NAALADL2: variants seen among roughly 807,000 people sequenced by gnomAD.
NAALADL2 encodes the protein N-acetylated alpha-linked acidic dipeptidase like 2, also known as inactive N-acetylated-alpha-linked acidic dipeptidase-like protein 2.
Under a neutral mutation model 87.2 loss-of-function variants are expected in NAALADL2, and 76 were observed. The observed-to-expected ratio is 0.87, with a 90% CI of 0.72 to 1.05. The LOEUF (loss-of-function observed/expected upper bound fraction) is 1.05. Ranked by LOEUF, NAALADL2 falls within the 50% of genes least tolerant of loss-of-function variation. NAALADL2 has a pLI of 0.00. For synonymous variants in NAALADL2, 354 were observed against 331.0 expected (o/e 1.07, Z -0.75); for missense variants, 1,089 against 945.8 (o/e 1.15, Z -1.99).
At chr3:175,495,093 T>TATATA (rs1491546516) in intron 9 of NAALADL2, among the ~76,000 whole-genome samples, 1 of 116,678 alleles carries the variant, frequency 8.6e-6, no homozygotes, top group East Asian at 3.4e-4. Context: ...TATATATATA[T>TATATA]TTTTTTTTAA....
chr3:174,847,508 T>C (rs543829744), intron 3 of NAALADL2, among the ~76,000 whole-genome samples: 1 of 152,324 alleles, frequency 6.6e-6, no homozygotes, highest in African/African-American at 2.4e-5. Flanking sequence ...TTATGTGCCA[T>C]TAGTTCCCAA....
intron 3 of NAALADL2, among the ~76,000 whole-genome samples, chr3:174,846,295 G>A (rs1428879541): frequency 1.3e-5 from 2 of 152,138 alleles, no homozygotes; most frequent in South Asian, 2.1e-4. Flanking sequence ...TGTCATTTCC[G>A]TGTTGCTTCA....
chr3:174,570,412 C>T, intron 2 of NAALADL2, among the ~76,000 whole-genome samples: 1 of 152,110 alleles, frequency 6.6e-6, no homozygotes, highest in East Asian at 1.9e-4. Flanking sequence ...TAGGACATTA[C>T]AGGTTGATTT....
chr3:175,746,947 T>C (rs1559967006), intron 12 of NAALADL2, among the ~76,000 whole-genome samples: 3 of 152,194 alleles, frequency 2.0e-5, no homozygotes, highest in African/African-American at 7.2e-5. Context: ...GCATATAACC[T>C]GGGCACATCC....
intron 1 of NAALADL2, among the ~76,000 whole-genome samples, chr3:174,546,574 G>A (rs769983784): frequency 8.5e-5 from 13 of 152,124 alleles, no homozygotes; most frequent in Admixed American, 3.3e-4. Flanking sequence ...AGACTCTTAC[G>A]TTGTACCATG....
intron 13 of NAALADL2, among the ~76,000 whole-genome samples, chr3:175,788,332 TCCA>T (rs1229675299): frequency 6.6e-6 from 1 of 152,018 alleles, no homozygotes; most frequent in Non-Finnish European, 1.5e-5. Context: ...GCTCAAACGA[TCCA>T]CCACCTCAGC....
At chr3:175,323,685 A>C (rs1219119781) in intron 4 of NAALADL2, among the ~76,000 whole-genome samples, 1 of 151,570 alleles carries the variant, frequency 6.6e-6, no homozygotes, top group Non-Finnish European at 1.5e-5. Flanking sequence ...CAGTAGAAAA[A>C]GCTTCTGGGC....
chr3:174,444,627 A>G (rs12638397), intron 1 of NAALADL2, among the ~76,000 whole-genome samples: 41,511 of 152,062 alleles, frequency 0.27, 6,077 homozygotes, highest in South Asian at 0.45. Context: ...AGTTAGCAAC[A>G]TTGAGTCTCA....
chr3:175,156,955 A>C (rs1432569031), intron 2 of NAALADL2, among the ~76,000 whole-genome samples: 2 of 152,196 alleles, frequency 1.3e-5, no homozygotes, highest in East Asian at 3.9e-4. Context: ...GTTTCTTTAC[A>C]TAACAAAGCC....
At chr3:175,636,711 A>AG (rs1463758895) in intron 11 of NAALADL2, among the ~76,000 whole-genome samples, 3 of 150,112 alleles carry the variant, frequency 2.0e-5, no homozygotes, top group Non-Finnish European at 4.5e-5. Context: ...AAAAAAAAAA[A>AG]AAAGAAAAAA....
intron 3 of NAALADL2, among the ~76,000 whole-genome samples, chr3:174,794,259 T>C (rs772983781): frequency 6.6e-6 from 1 of 152,138 alleles, no homozygotes; most frequent in African/African-American, 2.4e-5. Context: ...ACTCAATAAC[T>C]CATGAAAAAA....
intron 2 of NAALADL2, among the ~76,000 whole-genome samples, chr3:174,637,123 A>G (rs1255225471): frequency 1.3e-5 from 2 of 152,128 alleles, no homozygotes; most frequent in Non-Finnish European, 2.9e-5. Flanking sequence ...AAAAATGTTG[A>G]TGTCATGGAG....
intron 1 of NAALADL2, among the ~76,000 whole-genome samples, chr3:174,548,267 A>C (rs962125603): frequency 2.0e-5 from 3 of 152,152 alleles, no homozygotes; most frequent in African/African-American, 7.2e-5. Context: ...TATGTTTTTA[A>C]AGGGTACATA....
intron 11 of NAALADL2, among the ~76,000 whole-genome samples, chr3:175,692,359 G>A (rs755537991): frequency 7.9e-5 from 12 of 152,108 alleles, no homozygotes; most frequent in African/African-American, 1.4e-4. Context: ...CTGTGTGCAC[G>A]AAGGAGATTT....
intron 11 of NAALADL2, among the ~76,000 whole-genome samples, chr3:175,711,387 T>G (rs1451546689): frequency 6.6e-6 from 1 of 151,902 alleles, no homozygotes; most frequent in East Asian, 1.9e-4. Context: ...ATCAATTTTT[T>G]TAAAATTCTG....
In NAALADL2 at chr3:174,927,387, C is replaced by G. The variant is rs569123355; in HGVS notation, c.43+67937C>G. On this transcript the variant is annotated intron_variant, in intron 1 of 13. Coordinates refer to ENST00000454872, the MANE Select transcript of NAALADL2 (RefSeq NM_207015.3). ...TAGACATCTACAGAACTCTCCACCT[C>G]AAATCAACAGAATATACATTCTTCT... Among the ~76,000 whole-genome samples the G allele has an allele frequency of 1.2e-4, 18 of 152,320 alleles. No individual in the cohort carries two copies. The South Asian group carries it at 3.7e-3, about 32-fold the overall frequency.
At chr3:174,882,761 A>T (rs571342090) in intron 1 of NAALADL2, among the ~76,000 whole-genome samples, 1 of 145,586 alleles carries the variant, frequency 6.9e-6, no homozygotes, top group Admixed American at 7.1e-5. Flanking sequence ...ACGTGTATAT[A>T]TACACACGTG....
chr3:174,677,198 C>A (rs147061002), intron 2 of NAALADL2, among the ~76,000 whole-genome samples: 18 of 152,022 alleles, frequency 1.2e-4, no homozygotes, highest in African/African-American at 4.1e-4. Flanking sequence ...CATCATTTGA[C>A]ACATATGTTT....
chr3:175,090,266 TA>T (rs1420658184), intron 1 of NAALADL2, among the ~76,000 whole-genome samples: 53 of 152,188 alleles, frequency 3.5e-4, no homozygotes, highest in African/African-American at 1.2e-3. Context: ...TCCTAAATAA[TA>T]CCAAGTGTTC....
Sources: allele counts gnomAD v4.1 joint callset (sites outside exome capture counted in the v4.1 genomes callset), GRCh38; gene constraint gnomAD v4.1.1; transcripts MANE v1.5; gene names NCBI Gene and HGNC (gene_info 2026-07-23, HGNC 2026-07-21).